Variants in PDE3B observed in about 807,000 individuals in gnomAD.
The protein encoded by PDE3B is cGMP-inhibited 3',5'-cyclic phosphodiesterase 3B.
In PDE3B, 66 loss-of-function variants were observed where a neutral mutation model predicts 116.8. The observed-to-expected ratio is 0.56, with a 90% confidence interval of 0.46 to 0.69. The LOEUF (loss-of-function observed/expected upper bound fraction) is 0.69. PDE3B is among the 30% of genes least tolerant of loss of function. PDE3B has a pLI of 0.00. For synonymous variants in PDE3B, 595 were observed against 533.6 expected (o/e 1.12, Z -1.59); for missense variants, 1,384 against 1,368.1 (o/e 1.01, Z -0.18).
chr11:14,645,041 T>G lies in PDE3B; in HGVS notation c.966T>G (p.Ile322Met). 6.2e-7 allele frequency: 1 copy of G among 1,608,656 alleles called. No homozygotes were observed. Among genetic ancestry groups the G allele is most frequent in the Non-Finnish European group, 8.5e-7 (1 of 1,177,212 alleles). Residue 322 changes from isoleucine (I) to methionine (M), a missense_variant, in exon 1 of 16, where the codon ATT (isoleucine) becomes ATG (methionine). Physicochemically the swap from Ile to Met is conservative, Grantham distance 10. This residue lies in a region of PDE3B where 956 missense variants were observed against 806.8 expected (regional missense o/e 1.18). Transcript: ENST00000282096. The stretch of plus-strand genomic sequence containing the variant: ...TCAGGAGACCGTCGTTGCCTTGTAT[T>G]TCCAGAGAACAGGTATGTTAGCTGG... ...KIFRRPSLPC[I>M]SREQMILWDW...
chr11:14,741,213 C>T (rs1050736244), intron 1 of PDE3B, among the ~76,000 whole-genome samples: 1 of 151,948 alleles, frequency 6.6e-6, no homozygotes, highest in African/African-American at 2.4e-5. Context: ...TTACAGTCTC[C>T]CACTATTACT....
intron 1 of PDE3B, among the ~76,000 whole-genome samples, chr11:14,653,909 C>A (rs577681757): frequency 3.2e-4 from 48 of 152,100 alleles, no homozygotes; most frequent in Middle Eastern, 3.4e-3. Context: ...AATGTGGGAG[C>A]ATCACCTGAG....
the PDE3B span, chr11:14,891,928 C>A: frequency 6.3e-7 from 1 of 1,582,812 alleles, no homozygotes. Context: ...AGGCCCTGGC[C>A]AGCCCGGGCC....
Position 14,643,934 on chromosome 11 carries a change from C to A in PDE3B, c.-142C>A. 1.6e-6 allele frequency: 2 copies of A among 1,261,384 alleles called. No individual in the cohort carries two copies. The highest frequency in any genetic ancestry group is 2.0e-6 in the Non-Finnish European group (2 of 978,458). 78.1% of individuals were successfully genotyped at this position (1,261,384 alleles called of 1,614,324 possible). On this transcript the variant is annotated 5_prime_UTR_variant, in exon 1 of 16. Transcript: ENST00000282096. The stretch of plus-strand genomic sequence containing the variant: ...TCCTCAGTCCGCGCGGTGGGGACCC[C>A]GGGCCGTGGCGGCCGGCGCAGCCCT...
rs902533552 is a variant in PDE3B, at chr11:14,769,506, C to G, written c.979-2431C>G. ...TTAGAGAACTTTCACAAAATATAAGCTAAGATGAGATTGCTCTTATAAGCA... is the reference window on the plus strand; with the variant it reads ...TTAGAGAACTTTCACAAAATATAAGGTAAGATGAGATTGCTCTTATAAGCA... On this transcript the variant is annotated intron_variant, in intron 1 of 15. Coordinates refer to ENST00000282096, the MANE Select transcript of PDE3B (RefSeq NM_000922.4). Among the ~76,000 whole-genome samples the G allele has an allele frequency of 1.3e-4, 20 of 150,476 alleles. 1 individual carries two copies. Among genetic ancestry groups the G allele is most frequent in the African/African-American group, 4.9e-4 (20 of 41,220 alleles).
chr11:14,869,734 T>C lies in PDE3B; in HGVS notation c.*74T>C. The stretch of plus-strand genomic sequence containing the variant: ...GTGCCCAGGGGCAGAAATCATTGCC[T>C]AGTGTTCACCGGCTGACTCTCAACT... On this transcript the variant is annotated 3_prime_UTR_variant, in exon 16 of 16. Transcript: ENST00000282096. 16 of 1,228,288 alleles carry C rather than the reference T, an allele frequency of 1.3e-5. No individual in the cohort carries two copies. The highest frequency in any genetic ancestry group is 1.9e-4 in the Middle Eastern group (1 of 5,222). 76.1% of individuals were successfully genotyped at this position (1,228,288 alleles called of 1,614,324 possible).
At chr11:14,683,371 C>T (rs1854770287) in intron 1 of PDE3B, among the ~76,000 whole-genome samples, 2 of 151,924 alleles carry the variant, frequency 1.3e-5, no homozygotes, top group Non-Finnish European at 2.9e-5. Context: ...TAGAATTACT[C>T]AGAATATCTA....
At chr11:14,681,682 C>G (rs1464387368) in intron 1 of PDE3B, among the ~76,000 whole-genome samples, 2 of 152,156 alleles carry the variant, frequency 1.3e-5, no homozygotes, top group African/African-American at 4.8e-5. Flanking sequence ...TGGTATTTAA[C>G]AAGAATTGGT....
In PDE3B at chr11:14,853,148, G is replaced by A. The variant is rs570824130; in HGVS notation, c.2521-5895G>A. ...GCTTTTCCTTTAGATATCCGTATAC[G>A]CATTTTGTCACCTCCTTCCATCTAA... On this transcript the variant is annotated intron_variant, in intron 12 of 15. Coordinates refer to ENST00000282096, the MANE Select transcript of PDE3B (RefSeq NM_000922.4). Among the ~76,000 whole-genome samples the A allele has an allele frequency of 2.6e-4, 40 of 151,646 alleles. 1 individual carries two copies. Among genetic ancestry groups the A allele is most frequent in the Admixed American group, 5.3e-4 (8 of 15,236 alleles).
chr11:14,664,023 T>A (rs1854034263), intron 1 of PDE3B, among the ~76,000 whole-genome samples: 1 of 151,702 alleles, frequency 6.6e-6, no homozygotes, highest in African/African-American at 2.4e-5. Context: ...GAAGTAAAGC[T>A]CTCCTCAGCA....
At chr11:14,869,151 C>T (rs1469461722) in intron 15 of PDE3B, among the ~76,000 whole-genome samples, 2 of 152,130 alleles carry the variant, frequency 1.3e-5, no homozygotes, top group Admixed American at 1.3e-4. Flanking sequence ...TCTTCCCTCT[C>T]CACCATACCC....
Position 14,704,574 on chromosome 11 carries a change from G to A in PDE3B, c.978+59521G>A, listed in dbSNP as rs546275390. 3.3e-5 allele frequency among the ~76,000 whole-genome samples: 5 copies of A among 151,758 alleles called. No homozygotes were observed. In the South Asian group the frequency reaches 8.3e-4, roughly 25 times the overall value. Reference sequence around the variant, plus strand: ...GACAATGTGGTATTAGTGATAGAATGGATATTATGGACAATAGACCCACAC... The same window carrying A: ...GACAATGTGGTATTAGTGATAGAATAGATATTATGGACAATAGACCCACAC... On this transcript the variant is annotated intron_variant, in intron 1 of 15. Coordinates refer to ENST00000282096, the MANE Select transcript of PDE3B (RefSeq NM_000922.4).
At chr11:14,801,564 C>G (rs1858765444) in intron 4 of PDE3B, among the ~76,000 whole-genome samples, 1 of 152,226 alleles carries the variant, frequency 6.6e-6, no homozygotes, top group South Asian at 2.1e-4. Flanking sequence ...TATGGGGTGT[C>G]TGTCCGCCCC....
the PDE3B span, among the ~76,000 whole-genome samples, chr11:14,884,114 T>A: frequency 1.3e-5 from 2 of 152,130 alleles, no homozygotes; most frequent in African/African-American, 4.8e-5. Context: ...ATTGTGGAAG[T>A]CAGTGTGGCG....
At chr11:14,686,619 C>T (rs1195412611) in intron 1 of PDE3B, among the ~76,000 whole-genome samples, 1 of 152,108 alleles carries the variant, frequency 6.6e-6, no homozygotes, top group Non-Finnish European at 1.5e-5. Context: ...TGGCTTTATA[C>T]TTACTTTAAA....
At chr11:14,733,739 GA>G (rs1286308041) in intron 1 of PDE3B, among the ~76,000 whole-genome samples, 1 of 151,908 alleles carries the variant, frequency 6.6e-6, no homozygotes, top group East Asian at 1.9e-4. Flanking sequence ...AAATGAAAAA[GA>G]AAAAAGGTAG....
At chr11:14,885,515 T>G in the PDE3B span, among the ~76,000 whole-genome samples, 2 of 152,302 alleles carry the variant, frequency 1.3e-5, no homozygotes. Flanking sequence ...TCACAAAACC[T>G]GCAGATGTTA....
chr11:14,754,855 T>A (rs1590117096), intron 1 of PDE3B, among the ~76,000 whole-genome samples: 1 of 152,332 alleles, frequency 6.6e-6, no homozygotes, highest in East Asian at 1.9e-4. Context: ...CTATAGGCTC[T>A]TTTGGCTTTG....
intron 1 of PDE3B, among the ~76,000 whole-genome samples, chr11:14,759,701 A>C (rs1857300681): frequency 6.6e-6 from 1 of 151,932 alleles, no homozygotes; most frequent in Non-Finnish European, 1.5e-5. Flanking sequence ...GGTGTGTGCC[A>C]CCACGCCCAG....
Sources: allele counts gnomAD v4.1 joint callset (sites outside exome capture counted in the v4.1 genomes callset), GRCh38; gene constraint gnomAD v4.1.1; regional missense constraint gnomAD v4.1.1; transcripts MANE v1.5; gene names NCBI Gene and HGNC (gene_info 2026-07-23, HGNC 2026-07-21).